The following USP54 variants were observed in gnomAD, a reference collection of about 807,000 sequenced individuals.
USP54 encodes ubiquitin specific peptidase 54, also known as ubiquitin carboxyl-terminal hydrolase 54.
A neutral mutation model predicts 170.5 loss-of-function variants in USP54; 87 were observed. The ratio of observed to expected loss-of-function variants is 0.51; its 90% CI spans 0.43 to 0.61. The LOEUF is 0.61. Ranked by LOEUF, USP54 falls within the 20% of genes least tolerant of loss-of-function variation. The pLI is 0.00. For synonymous variants in USP54, 655 were observed against 742.8 expected (o/e 0.88, Z 1.92); for missense variants, 1,786 against 2,047.8 (o/e 0.87, Z 2.47).
rs768884213 is a variant in USP54 at position 73,517,231 on chromosome 10, G to C, written c.3195C>G (p.Ser1065Arg). 1.2e-5 allele frequency: 20 copies of C among 1,614,072 alleles called. No homozygotes were observed. Among genetic ancestry groups the C allele is most frequent in the Non-Finnish European group, 1.5e-5 (18 of 1,180,034 alleles). Residue 1065 changes from serine to arginine, a missense_variant, in exon 20 of 24, where the codon AGC (serine) becomes AGG (arginine). Coordinates refer to ENST00000687698, the MANE Select transcript of USP54 (RefSeq NM_001391956.1). ...CSPSNSSAQP[S>R]LPLYRTCHPI... ...GGTGGCAGGTTCTATACAGGGGAAG[G>C]CTGGGCTGAGCTGATGAATTTGAAG...
At chr10:73,560,043 A>C (rs1590390409) in intron 4 of USP54, among the ~76,000 whole-genome samples, 2 of 148,266 alleles carry the variant, frequency 1.3e-5, no homozygotes, top group East Asian at 2.0e-4. Flanking sequence ...ACCCCATTTC[A>C]AAAAAAAAAG....
rs772920616 is a variant in USP54 at position 73,526,661 on chromosome 10, C to T, written c.2180G>A (p.Ser727Asn). The change falls in exon 16 of 24, where the codon AGT becomes AAT. Residue 727 changes from serine to asparagine, a missense_variant. This residue lies in a region of USP54 where 1,418 missense variants were observed against 1,569.0 expected (regional missense o/e 0.90). Transcript: ENST00000687698. Reference protein sequence around the residue: ...STASMGGWTKSQPFSGEEISS... With the variant: ...STASMGGWTKNQPFSGEEISS... Reference sequence around the variant, plus strand: ...ATTCTGCTTACCAGAGAAAGGCTGACTCTTTGTCCAGCCACCCATGGATGC... The same window carrying T: ...ATTCTGCTTACCAGAGAAAGGCTGATTCTTTGTCCAGCCACCCATGGATGC... 1.9e-6 allele frequency: 3 copies of T among 1,613,984 alleles called. No homozygotes were observed. The highest frequency in any genetic ancestry group is 2.2e-5 in the South Asian group (2 of 91,028).
intron 9 of USP54, among the ~76,000 whole-genome samples, chr10:73,540,850 G>C (rs769902024): frequency 2.6e-5 from 4 of 152,144 alleles, no homozygotes; most frequent in African/African-American, 7.2e-5. Flanking sequence ...CTCAGTCATG[G>C]CTTAATGACA....
At position 73,542,898 on chromosome 10, in the gene USP54, G is replaced by A; in HGVS notation, c.490-13C>T. 1 of 1,614,036 alleles carries A rather than the reference G, an allele frequency of 6.2e-7. No individual in the cohort carries two copies. Among genetic ancestry groups the A allele is most frequent in the Non-Finnish European group, 8.5e-7 (1 of 1,179,986 alleles). ...TAGTACATACACACTGGGCAAAAGA[G>A]AAAAAGGCAAAACCAAGCAACCATA... On this transcript the variant is annotated splice_polypyrimidine_tract_variant and intron_variant, in intron 6 of 23. Coordinates refer to ENST00000687698, the MANE Select transcript of USP54 (RefSeq NM_001391956.1).
intron 4 of USP54, among the ~76,000 whole-genome samples, chr10:73,569,984 T>C (rs1169322343): frequency 1.4e-5 from 2 of 145,112 alleles, no homozygotes; most frequent in Non-Finnish European, 3.0e-5. Context: ...TTGAGTCAGT[T>C]ATTGCAAATA....
intron 4 of USP54, among the ~76,000 whole-genome samples, chr10:73,564,500 A>G (rs2073840462): frequency 6.6e-6 from 1 of 152,164 alleles, no homozygotes; most frequent in Admixed American, 6.5e-5. Flanking sequence ...TTTATTTGCC[A>G]TACTGTGTAG....
In USP54 at chr10:73,517,612, T is replaced by C; in HGVS notation, c.2814A>G (p.Pro938=). The part of the protein sequence containing the change: ...SCHESHSSLS[P]ESSAPQHSSP... ...AGCTGTGCTGTGGGGCAGATGACTC[T>C]GGAGATAGTGATGAGTGTGACTCAT... The change falls in exon 20 of 24, where the codon CCA becomes CCG. Residue 938 remains proline, a synonymous_variant. Transcript: ENST00000687698. 6.2e-7 allele frequency: 1 copy of C among 1,614,154 alleles called. No individual in the cohort carries two copies. The highest frequency in any genetic ancestry group is 8.5e-7 in the Non-Finnish European group (1 of 1,180,030).
At chr10:73,520,051 A>G (rs2061665540) in intron 18 of USP54, 59 bp from the exon 19 acceptor site, 3 of 1,532,618 alleles carry the variant, frequency 2.0e-6, no homozygotes, top group Non-Finnish European at 1.8e-6. Flanking sequence ...AAAAATAAAA[A>G]GAATAAAATT....
chr10:73,506,859 T>C (rs1032287679), intron 20 of USP54: 3 of 152,018 alleles, frequency 2.0e-5, no homozygotes, highest in Admixed American at 6.6e-5. Flanking sequence ...AATATATTTA[T>C]CCTGTTGCCC....
intron 1 of USP54, among the ~76,000 whole-genome samples, chr10:73,620,150 T>C (rs1464599312): frequency 1.3e-5 from 2 of 149,838 alleles, no homozygotes; most frequent in African/African-American, 5.1e-5. Context: ...CTGTCTCTAC[T>C]GAAAATACAA....
intron 1 of USP54, among the ~76,000 whole-genome samples, chr10:73,625,140 AC>A: frequency 6.6e-6 from 1 of 152,076 alleles, no homozygotes; most frequent in Non-Finnish European, 1.5e-5. Flanking sequence ...CTTAGCACAC[AC>A]CCCCTTCTTC....
Position 73,498,432 on chromosome 10 carries a change from C to T in USP54, c.*197G>A, listed in dbSNP as rs186234044. 2.3e-4 allele frequency: 88 copies of T among 384,152 alleles called. No individual in the cohort carries two copies. Among genetic ancestry groups the T allele is most frequent in the African/African-American group, 1.7e-3 (81 of 49,016 alleles). 23.8% of individuals were successfully genotyped at this position (384,152 alleles called of 1,614,324 possible). ...TTGGGACTACAGGCACGCACCGTCACGCCTGGCTAATTTTTTGTATTTTGG... is the reference window on the plus strand; with the variant it reads ...TTGGGACTACAGGCACGCACCGTCATGCCTGGCTAATTTTTTGTATTTTGG... On this transcript the variant is annotated 3_prime_UTR_variant, in exon 24 of 24. Transcript: ENST00000687698.
intron 4 of USP54, among the ~76,000 whole-genome samples, chr10:73,552,654 G>C (rs1451298318): frequency 6.6e-6 from 1 of 151,274 alleles, no homozygotes; most frequent in East Asian, 2.0e-4. Flanking sequence ...AGCCAGGTGT[G>C]GTGGCAATCA....
intron 4 of USP54, among the ~76,000 whole-genome samples, chr10:73,555,841 A>G (rs2070840064): frequency 6.6e-6 from 1 of 152,198 alleles, no homozygotes; most frequent in Non-Finnish European, 1.5e-5. Context: ...AAGAATCATG[A>G]TGATTCACTA....
intron 4 of USP54, among the ~76,000 whole-genome samples, chr10:73,556,208 G>C (rs2070951554): frequency 6.6e-6 from 1 of 152,064 alleles, no homozygotes; most frequent in Non-Finnish European, 1.5e-5. Context: ...CTGGTTTCAA[G>C]AATCAGTTCA....
intron 4 of USP54, among the ~76,000 whole-genome samples, chr10:73,562,686 C>T (rs1392262100): frequency 6.6e-6 from 1 of 152,150 alleles, no homozygotes; most frequent in East Asian, 1.9e-4. Context: ...TTTAAATCCA[C>T]TCTAGTGTAG....
rs769412015 is a variant in USP54 at position 73,571,481 on chromosome 10, G to A, written c.180C>T (p.Ser60=). Residue 60 remains serine (S), a synonymous_variant, in exon 4 of 24, where the codon AGC becomes AGT. Coordinates refer to ENST00000687698, the MANE Select transcript of USP54 (RefSeq NM_001391956.1). ...ACTTGTGAGTTGTAAGCTGCCTAAA[G>A]CTACGTCGGAAGATATCCAAGTGCC... The part of the protein sequence containing the change: ...VLWHLDIFRR[S]FRQLTTHKCM... 6 of 1,613,934 alleles carry A rather than the reference G, an allele frequency of 3.7e-6. No individual in the cohort carries two copies.
intron 4 of USP54, chr10:73,553,394 C>T (rs904028863): frequency 6.6e-6 from 1 of 152,240 alleles, no homozygotes; most frequent in Non-Finnish European, 1.5e-5. Flanking sequence ...CAGCATGCAT[C>T]TGTGGAGCTC....
chr10:73,536,052 G>A (rs985314171), intron 11 of USP54: 2 of 584,618 alleles, frequency 3.4e-6, no homozygotes, highest in Non-Finnish European at 6.0e-6. Context: ...CTTCTGAGTT[G>A]AGGCCAAGTG....
Sources: allele counts gnomAD v4.1 joint callset (sites outside exome capture counted in the v4.1 genomes callset), GRCh38; gene constraint gnomAD v4.1.1; regional missense constraint gnomAD v4.1.1; transcripts MANE v1.5; gene names NCBI Gene and HGNC (gene_info 2026-07-23, HGNC 2026-07-21).